TAS2R1: variants seen among roughly 807,000 people sequenced by gnomAD.
The protein encoded by TAS2R1 is taste 2 receptor member 1.
For synonymous variants in TAS2R1, 141 were observed against 134.2 expected (o/e 1.05, Z -0.35); for missense variants, 370 against 353.4 (o/e 1.05, Z -0.38).
chr5:9,863,394 ACCGAGTAGCTGGGACGTGGGCTC>A, the TAS2R1 span, among the ~76,000 whole-genome samples: 2 of 150,670 alleles, frequency 1.3e-5, no homozygotes, highest in Non-Finnish European at 2.9e-5. Context: ...GCCTCAGCCT[ACCGAGTAGCTGGGACGTGGGCTC>A]CCACCAACAC....
At chr5:9,795,142 G>C in the TAS2R1 span, among the ~76,000 whole-genome samples, 1 of 152,140 alleles carries the variant, frequency 6.6e-6, no homozygotes, top group African/African-American at 2.4e-5. Context: ...TCACCCTACA[G>C]TGGTACAGAA....
At chr5:9,725,398 T>C in the TAS2R1 span, among the ~76,000 whole-genome samples, 2 of 152,198 alleles carry the variant, frequency 1.3e-5, no homozygotes, top group Non-Finnish European at 2.9e-5. Flanking sequence ...GGCCCCGCAC[T>C]TGGAGCAGCC....
At chr5:9,688,405 T>C (rs1184642095) in intron 1 of TAS2R1, among the ~76,000 whole-genome samples, 1 of 152,204 alleles carries the variant, frequency 6.6e-6, no homozygotes, top group African/African-American at 2.4e-5. Context: ...TGGATGTTGT[T>C]ATCTTCTCAG....
At chr5:9,755,171 T>C in the TAS2R1 span, among the ~76,000 whole-genome samples, 3 of 152,154 alleles carry the variant, frequency 2.0e-5, no homozygotes, top group Admixed American at 6.5e-5. Flanking sequence ...ACTGGGGATA[T>C]AGCTTTGTTA....
At chr5:9,632,038 C>T (rs1739881746), upstream of TAS2R1, among the ~76,000 whole-genome samples, 1 of 152,162 alleles carries the variant, frequency 6.6e-6, no homozygotes, top group Non-Finnish European at 1.5e-5. Context: ...TTAGAAGAAA[C>T]ATTCTGCAGC....
At chr5:9,829,705 C>T in the TAS2R1 span, among the ~76,000 whole-genome samples, 43,291 of 152,004 alleles carry the variant, frequency 0.28, 6,931 homozygotes, top group Non-Finnish European at 0.37. Context: ...CCAGGAGTGG[C>T]AGGGAACTGT....
intron 1 of TAS2R1, chr5:9,712,157 A>C (rs1404204895): frequency 6.6e-6 from 1 of 151,976 alleles, no homozygotes; most frequent in Non-Finnish European, 1.5e-5. Flanking sequence ...GTCTCAGTTC[A>C]CTCATTTATC....
the TAS2R1 span, among the ~76,000 whole-genome samples, chr5:9,752,252 A>G: frequency 2.6e-5 from 4 of 152,212 alleles, no homozygotes; most frequent in Non-Finnish European, 5.9e-5. Flanking sequence ...AGATTCTTAT[A>G]AGAACTTGTG....
intron 1 of TAS2R1, among the ~76,000 whole-genome samples, chr5:9,660,225 ATTTTTT>A (rs35208333): frequency 7.9e-5 from 7 of 88,824 alleles, no homozygotes; most frequent in South Asian, 4.5e-4. Context: ...CTCCCGGCTA[ATTTTTT>A]TTTTTTTTTT....
rs34248017 is a variant in TAS2R1, at chr5:9,701,221, G to GACACACAC, written c.-242+10943_-242+10950dup. Among the ~76,000 whole-genome samples, 102 of 135,948 alleles carry GACACACAC rather than the reference G, an allele frequency of 7.5e-4. 1 individual carries two copies. Among genetic ancestry groups the GACACACAC allele is most frequent in the African/African-American group, 1.0e-3 (37 of 35,956 alleles). 89.2% of individuals were successfully genotyped at this position (135,948 alleles called of 152,430 possible). A position where few individuals can be genotyped will look rare whatever the true frequency, so the allele number is the denominator to read the frequency against. On this transcript the variant is annotated intron_variant, in intron 1 of 2. Transcript: ENST00000506620. ...TCATTAGCAACATGGCAGACACGCA[G>GACACACAC]ACACACACACACACACACACACACA...
intron 1 of TAS2R1, among the ~76,000 whole-genome samples, chr5:9,681,017 G>A (rs934425898): frequency 2.0e-5 from 3 of 152,102 alleles, no homozygotes; most frequent in South Asian, 2.1e-4. Context: ...AGCTGAGATC[G>A]TGCCACTGCA....
chr5:9,694,613 C>T (rs886451050), intron 1 of TAS2R1, among the ~76,000 whole-genome samples: 10 of 152,130 alleles, frequency 6.6e-5, no homozygotes, highest in Non-Finnish European at 1.2e-4. Flanking sequence ...GTTTCTATGT[C>T]TGTTCTTAAT....
the TAS2R1 span, among the ~76,000 whole-genome samples, chr5:9,804,614 T>C: frequency 6.6e-6 from 1 of 152,076 alleles, no homozygotes; most frequent in East Asian, 1.9e-4. Flanking sequence ...TGCAAATACA[T>C]GGAAATTAAA....
intron 2 of TAS2R1, among the ~76,000 whole-genome samples, chr5:9,647,251 C>T (rs1057193294): frequency 2.0e-5 from 3 of 152,074 alleles, no homozygotes; most frequent in East Asian, 3.9e-4. Flanking sequence ...TGCATAAGAC[C>T]CTGTACCTTG....
intron 1 of TAS2R1, among the ~76,000 whole-genome samples, chr5:9,675,419 C>CTTT (rs35909213): frequency 2.2e-5 from 3 of 135,786 alleles, no homozygotes; most frequent in Non-Finnish European, 3.2e-5. Flanking sequence ...TTTTCTTTTT[C>CTTT]TTTTTTTTTT....
At chr5:9,872,594 T>C in the TAS2R1 span, among the ~76,000 whole-genome samples, 1 of 152,194 alleles carries the variant, frequency 6.6e-6, no homozygotes, top group Admixed American at 6.5e-5. Flanking sequence ...ACAATAACTC[T>C]GGGATTTTTA....
At chr5:9,802,295 T>C in the TAS2R1 span, among the ~76,000 whole-genome samples, 9 of 151,984 alleles carry the variant, frequency 5.9e-5, no homozygotes, top group Middle Eastern at 3.2e-3. Context: ...GCTCAGTAGC[T>C]CCTCTGCGTG....
chr5:9,868,212 G>A, the TAS2R1 span, among the ~76,000 whole-genome samples: 2 of 152,240 alleles, frequency 1.3e-5, no homozygotes, highest in Non-Finnish European at 2.9e-5. Context: ...TGGGGACTCT[G>A]TGTAGGGGCT....
chr5:9,755,314 A>C, the TAS2R1 span, among the ~76,000 whole-genome samples: 2 of 152,200 alleles, frequency 1.3e-5, no homozygotes, highest in Non-Finnish European at 2.9e-5. Context: ...TAGGCCAGGC[A>C]TGGTGGCTCA....
Sources: allele counts gnomAD v4.1 joint callset (sites outside exome capture counted in the v4.1 genomes callset), GRCh38; gene constraint gnomAD v4.1.1; transcripts MANE v1.5; gene names NCBI Gene and HGNC (gene_info 2026-07-23, HGNC 2026-07-21).